Variants in RARS1 observed in about 807,000 individuals in gnomAD.
The protein encoded by RARS1 is arginyl-tRNA synthetase 1.
Under a neutral mutation model 78.7 loss-of-function variants are expected in RARS1, and 75 were observed. The observed-to-expected ratio is 0.95, with a 90% CI of 0.79 to 1.15. RARS1 has a LOEUF of 1.15. Among genes scored for constraint, RARS1 ranks in the 50% most tolerant of loss-of-function variants. The probability of loss-of-function intolerance (pLI) is 0.00; values close to 1 mark genes in which losing one functional copy is unlikely to be tolerated. For missense variants in RARS1, 787 were observed against 787.5 expected, an observed-to-expected ratio of 1.00 and a Z score of 0.01; for synonymous variants, 273 against 268.2, an observed-to-expected ratio of 1.02 and a Z score of -0.18.
Position 168,497,369 on chromosome 5 carries a change from TA to T in RARS1, c.822+22del, listed in dbSNP as rs757034475. The T allele has an allele frequency of 2.6e-6, 4 of 1,515,002 alleles. No individual in the cohort carries two copies. In the South Asian group the frequency reaches 5.3e-5, roughly 20 times the overall value. The allele number at this position is 1,515,002 out of a possible 1,614,324, so 93.8% of individuals were successfully genotyped here. On this transcript the variant is annotated intron_variant, in intron 7 of 14. Coordinates refer to ENST00000231572, the MANE Select transcript of RARS1 (RefSeq NM_002887.4). ...ATAAGGTTTGATACCATTTCTTTTA[TA>T]TTATGTGTGTGTTTACCATTAATCA...
chr5:168,498,350 T>A (rs912045359), intron 7 of RARS1, among the ~76,000 whole-genome samples: 12 of 152,222 alleles, frequency 7.9e-5, no homozygotes, highest in African/African-American at 2.9e-4. Context: ...ATTTTATGTA[T>A]TTTGATATGA....
At position 168,497,218 on chromosome 5, in the gene RARS1, T is replaced by A; in HGVS notation, c.702-10T>A. ...TAAAAAATGATTATATATTCTCTGA[T>A]TGGTGTTAGGTTAAATCATGTAGGA... On this transcript the variant is annotated splice_polypyrimidine_tract_variant and intron_variant, in intron 6 of 14. Transcript: ENST00000231572. 2 of 1,466,512 alleles carry A rather than the reference T, an allele frequency of 1.4e-6. No individual in the cohort carries two copies. Among genetic ancestry groups the A allele is most frequent in the Middle Eastern group, 1.8e-4 (1 of 5,634 alleles). The allele number at this position is 1,466,512 out of a possible 1,614,324, so 90.8% of individuals were successfully genotyped here.
rs142535062 is a variant in RARS1, at chr5:168,487,880, G to T, written c.46-722G>T. 5.5e-3 allele frequency among the ~76,000 whole-genome samples: 830 copies of T among 152,282 alleles called. 9 individuals are homozygous for T. Among genetic ancestry groups the T allele is most frequent in the African/African-American group, 0.019 (796 of 41,572 alleles). On this transcript the variant is annotated intron_variant, in intron 1 of 14. Coordinates refer to ENST00000231572, the MANE Select transcript of RARS1 (RefSeq NM_002887.4). ...AAAATTGTTTAGTCCCAGAAAGGGTGAAAGGCAGACCCTTGAGCTATTTTG... is the reference window on the plus strand; with the variant it reads ...AAAATTGTTTAGTCCCAGAAAGGGTTAAAGGCAGACCCTTGAGCTATTTTG...
chr5:168,499,795 C>T (rs923788701), intron 7 of RARS1, among the ~76,000 whole-genome samples: 6 of 151,874 alleles, frequency 4.0e-5, no homozygotes, highest in African/African-American at 1.5e-4. Context: ...AATGTTAACA[C>T]CAGTTAATTC....
intron 2 of RARS1, among the ~76,000 whole-genome samples, chr5:168,489,726 C>T (rs1758042779): frequency 6.6e-6 from 1 of 151,968 alleles, no homozygotes; most frequent in Non-Finnish European, 1.5e-5. Flanking sequence ...ACTCTGCAGG[C>T]ATTACATCCT....
At chr5:168,506,963 C>T (rs376020993) in intron 11 of RARS1, 132 bp downstream of exon 11, 3 of 689,878 alleles carry the variant, frequency 4.3e-6, no homozygotes, top group East Asian at 5.5e-5. Flanking sequence ...GGTGTAAACC[C>T]AGCTGAGTGA....
At chr5:168,517,715 GA>G in intron 13 of RARS1, 99 bp from the exon 14 acceptor site, 1 of 1,370,610 alleles carries the variant, frequency 7.3e-7, no homozygotes, top group Non-Finnish European at 9.5e-7. Context: ...CATTTTATAG[GA>G]ACTTCTTTTT....
At chr5:168,494,753 A>G in intron 5 of RARS1, 103 bp downstream of exon 5, 1 of 834,306 alleles carries the variant, frequency 1.2e-6, no homozygotes. Flanking sequence ...AGGCTGAAGC[A>G]GGAGGATTGC....
chr5:168,490,491 T>C (rs1261863472), intron 2 of RARS1, among the ~76,000 whole-genome samples: 1 of 152,202 alleles, frequency 6.6e-6, no homozygotes, highest in Non-Finnish European at 1.5e-5. Flanking sequence ...AGATTAGCTC[T>C]TATATAGCTA....
intron 2 of RARS1, 123 bp from the exon 3 acceptor site, chr5:168,492,536 T>C: frequency 2.5e-6 from 2 of 810,134 alleles, no homozygotes. Context: ...CATCACACCA[T>C]AAGTACGTTT....
intron 9 of RARS1, among the ~76,000 whole-genome samples, chr5:168,502,380 A>ATGT (rs199969391): frequency 1.0e-5 from 1 of 98,100 alleles, no homozygotes; most frequent in Admixed American, 9.8e-5. Context: ...ATATATATAT[A>ATGT]TATATTTTTT....
At position 168,494,630 on chromosome 5, in the gene RARS1, G is replaced by A. The variant is rs1317060557; in HGVS notation, c.559G>A (p.Ala187Thr). Residue 187 changes from alanine (A) to threonine (T), a missense_variant, in exon 5 of 15, where the codon GCT becomes ACT. Coordinates refer to ENST00000231572, the MANE Select transcript of RARS1 (RefSeq NM_002887.4). ...SLLVNGVQLP[A>T]LGENKKVIVD... ...TCTAGTGAATGGAGTTCAACTACCT[G>A]CTCTGGGAGAGAATAAAAAGGTATA... 1.9e-6 allele frequency: 3 copies of A among 1,597,566 alleles called. No homozygotes were observed. Among genetic ancestry groups the A allele is most frequent in the Non-Finnish European group, 2.6e-6 (3 of 1,165,234 alleles).
intron 8 of RARS1, among the ~76,000 whole-genome samples, chr5:168,501,579 C>T (rs779517690): frequency 6.6e-5 from 10 of 152,052 alleles, no homozygotes; most frequent in Non-Finnish European, 8.8e-5. Flanking sequence ...AAAAATTAGC[C>T]GGGCGTGGTG....
chr5:168,502,675 A>C (rs1198093051), intron 9 of RARS1, among the ~76,000 whole-genome samples: 2 of 149,088 alleles, frequency 1.3e-5, no homozygotes, highest in African/African-American at 5.0e-5. Flanking sequence ...GGGTTCAAGC[A>C]GTTCTCCTGC....
chr5:168,516,983 T>C (rs763854295), intron 13 of RARS1, 33 bp downstream of exon 13: 5 of 1,582,470 alleles, frequency 3.2e-6, no homozygotes, highest in Non-Finnish European at 4.3e-6. Flanking sequence ...TTATTGTGAA[T>C]CAAATGAAAG....
At chr5:168,499,476 A>G (rs868298343) in intron 7 of RARS1, among the ~76,000 whole-genome samples, 2 of 152,246 alleles carry the variant, frequency 1.3e-5, no homozygotes, top group Middle Eastern at 3.2e-3. Context: ...TTTCAAGAAT[A>G]GGATTCCTGT....
chr5:168,506,774 A>T lies in RARS1; in HGVS notation c.1289A>T (p.Asp430Val), dbSNP rs1332605760. Residue 430 changes from aspartate (D) to valine (V), a missense_variant, in exon 11 of 15, where the codon GAC becomes GTC. Transcript: ENST00000231572. Reference protein sequence around the residue: ...FAAAQMIGWYDPKVTRVFHAG... With the variant: ...FAAAQMIGWYVPKVTRVFHAG... ...GCTGCTCAAATGATTGGTTGGTATGACCCTAAAGTAACTCGAGTCTTCCAT... is the reference window on the plus strand; with the variant it reads ...GCTGCTCAAATGATTGGTTGGTATGTCCCTAAAGTAACTCGAGTCTTCCAT... 1 of 1,613,942 alleles carries T rather than the reference A, an allele frequency of 6.2e-7. No homozygotes were observed. Among genetic ancestry groups the T allele is most frequent in the South Asian group, 1.1e-5 (1 of 91,072 alleles).
At position 168,518,070 on chromosome 5, in the gene RARS1, T is replaced by TA; in HGVS notation, c.1873+8_1873+9insA. 7.5e-7 allele frequency: 1 copy of TA among 1,338,288 alleles called. No individual in the cohort carries two copies. Among genetic ancestry groups the TA allele is most frequent in the Non-Finnish European group, 9.6e-7 (1 of 1,042,042 alleles). 82.9% of individuals were successfully genotyped at this position (1,338,288 alleles called of 1,614,324 possible). On this transcript the variant is annotated intron_variant, in intron 14 of 14. Transcript: ENST00000231572. ...AGAAAGATAGACAGACTGGTGAGTG[T>TA]CTTTTTTTTTTTTTTTTTTTTTTTT... is the stretch of plus-strand genomic sequence containing the variant.
chr5:168,518,071 CTTT>C lies in RARS1; in HGVS notation c.1873+31_1873+33del, dbSNP rs747777615. The C allele has an allele frequency of 0.056, 40,536 of 719,100 alleles. No homozygotes were observed. Among genetic ancestry groups the C allele is most frequent in the East Asian group, 0.066 (476 of 7,168 alleles). 44.5% of individuals were successfully genotyped at this position (719,100 alleles called of 1,614,324 possible). A position where few individuals can be genotyped will look rare whatever the true frequency, so the allele number is the denominator to read the frequency against. On this transcript the variant is annotated intron_variant, in intron 14 of 14. Coordinates refer to ENST00000231572, the MANE Select transcript of RARS1 (RefSeq NM_002887.4). ...GAAAGATAGACAGACTGGTGAGTGT[CTTT>C]TTTTTTTTTTTTTTTTTTTTTAGTG...
Sources: allele counts gnomAD v4.1 joint callset (sites outside exome capture counted in the v4.1 genomes callset), GRCh38; gene constraint gnomAD v4.1.1; transcripts MANE v1.5; gene names NCBI Gene and HGNC (gene_info 2026-07-23, HGNC 2026-07-21).